ERG: variants seen among roughly 807,000 people sequenced by gnomAD.
ERG encodes ETS transcription factor ERG.
In ERG, 9 loss-of-function variants were observed where a neutral mutation model predicts 55.3. The ratio of observed to expected loss-of-function variants is 0.16; its 90% CI spans 0.10 to 0.28. The LOEUF (loss-of-function observed/expected upper bound fraction) is 0.28, where lower values mean the gene tolerates loss of function less well. ERG is among the 10% of genes least tolerant of loss of function. The pLI is 1.00. For missense variants in ERG, 434 were observed against 631.6 expected, an observed-to-expected ratio of 0.69 and a Z score of 3.35; for synonymous variants, 223 against 237.3, an observed-to-expected ratio of 0.94 and a Z score of 0.55.
At chr21:38,570,379 T>G (rs1380663831) in intron 2 of ERG, among the ~76,000 whole-genome samples, 1 of 152,158 alleles carries the variant, frequency 6.6e-6, no homozygotes, top group Non-Finnish European at 1.5e-5. Context: ...GTATATAACT[T>G]TTTTATGTAT....
chr21:38,573,095 T>C (rs2059969417), intron 2 of ERG, among the ~76,000 whole-genome samples: 1 of 152,220 alleles, frequency 6.6e-6, no homozygotes, highest in Non-Finnish European at 1.5e-5. Context: ...AGGACGTGCC[T>C]TGTTAACATG....
In ERG at chr21:38,519,514, C is replaced by T. The variant is rs565883033; in HGVS notation, c.-41+56148G>A. Among the ~76,000 whole-genome samples the T allele has an allele frequency of 1.3e-3, 191 of 152,302 alleles. 2 individuals are homozygous for T. Among genetic ancestry groups the T allele is most frequent in the Non-Finnish European group, 1.6e-3 (108 of 68,024 alleles). On this transcript the variant is annotated intron_variant, in intron 2 of 8. Transcript: ENST00000398897. ...GCTGGAGAAAAAAACTCCCCAAGCT[C>T]TCTCCTCCTACTCTCAGGCTTCCTT...
chr21:38,585,469 GA>G (rs1208245416), upstream of ERG, among the ~76,000 whole-genome samples: 1 of 123,266 alleles, frequency 8.1e-6, no homozygotes. Flanking sequence ...AAGATAGAAA[GA>G]AAAAAATCTT....
intron 1 of ERG, among the ~76,000 whole-genome samples, chr21:38,490,307 G>A (rs1368824373): frequency 6.6e-6 from 1 of 152,064 alleles, no homozygotes; most frequent in Non-Finnish European, 1.5e-5. Flanking sequence ...TTTAGTCTTA[G>A]AAGAAAAATG....
chr21:38,557,055 C>T (rs2059862875), intron 2 of ERG, among the ~76,000 whole-genome samples: 1 of 152,132 alleles, frequency 6.6e-6, no homozygotes, highest in Admixed American at 6.5e-5. Context: ...CCACCTCCAC[C>T]GTGTTTTGTG....
chr21:38,470,327 A>T (rs1300546612), intron 1 of ERG, among the ~76,000 whole-genome samples: 1 of 152,088 alleles, frequency 6.6e-6, no homozygotes, highest in Non-Finnish European at 1.5e-5. Flanking sequence ...CAAAAAGATG[A>T]CCTAACTCAT....
chr21:38,585,532 C>CTTTTTTTTATTTTTTTTTTTTTTT (rs2060057829), upstream of ERG, among the ~76,000 whole-genome samples: 1 of 59,270 alleles, frequency 1.7e-5, no homozygotes, highest in Non-Finnish European at 3.1e-5. Context: ...TCTCTCTCTT[C>CTTTTTTTTATTTTTTTTTTTTTTT]TTTTTTTTTT....
chr21:38,573,807 C>T (rs2059978245), intron 2 of ERG, among the ~76,000 whole-genome samples: 1 of 152,232 alleles, frequency 6.6e-6, no homozygotes, highest in Non-Finnish European at 1.5e-5. Flanking sequence ...GTCTCTGTGT[C>T]TTATTTCTTT....
chr21:38,660,320 C>A (rs28718905), intron 1 of ERG, among the ~76,000 whole-genome samples: 38,769 of 152,158 alleles, frequency 0.25, 5,436 homozygotes, highest in East Asian at 0.38. Flanking sequence ...CCTCTCCATC[C>A]GCACCCGACT....
chr21:38,485,791 T>C (rs2059279331), intron 1 of ERG, among the ~76,000 whole-genome samples: 1 of 151,738 alleles, frequency 6.6e-6, no homozygotes, highest in South Asian at 2.1e-4. Flanking sequence ...CAGTAGTAGA[T>C]AGTGATGTCC....
intron 1 of ERG, among the ~76,000 whole-genome samples, chr21:38,592,949 C>G (rs2060109957): frequency 6.6e-6 from 1 of 152,264 alleles, no homozygotes; most frequent in South Asian, 2.1e-4. Flanking sequence ...AGTGCGTCTT[C>G]CCATTTTTTA....
chr21:38,643,466 T>C (rs888011647), intron 1 of ERG, among the ~76,000 whole-genome samples: 1 of 152,276 alleles, frequency 6.6e-6, no homozygotes, highest in African/African-American at 2.4e-5. Flanking sequence ...TCTCCCAACC[T>C]TGATGCACAC....
chr21:38,452,408 C>T (rs1196855330), intron 1 of ERG, among the ~76,000 whole-genome samples: 1 of 152,022 alleles, frequency 6.6e-6, no homozygotes, highest in East Asian at 1.9e-4. Context: ...TGCATATATG[C>T]AAATAGATAC....
chr21:38,491,209 A>T, intron 1 of ERG, among the ~76,000 whole-genome samples: 1 of 148,636 alleles, frequency 6.7e-6, no homozygotes, highest in Middle Eastern at 3.4e-3. Context: ...TCAAAATTAA[A>T]AAAAAAAAAA....
rs375080518 is a variant in ERG at position 38,401,613 on chromosome 21, G to A, written c.673+944C>T. Among the ~76,000 whole-genome samples, 39 of 152,286 alleles carry A rather than the reference G, an allele frequency of 2.6e-4. No homozygotes were observed. In the East Asian group the frequency reaches 6.2e-3, roughly 24 times the overall value. On this transcript the variant is annotated intron_variant, in intron 5 of 9. Transcript: ENST00000288319. ...TATTGGGAAAATTGCGTATTTCTAT[G>A]TGAGGGCTGATCGTGAGTTAACTGG...
rs748243137 is a variant in ERG at position 38,445,515 on chromosome 21, C to T, written c.125G>A (p.Gly42Glu). ...EMTASSSSDY[G>E]QTSKMSPRVP... Reference sequence around the variant, plus strand: ...GCGTGGGCTCATCTTGGAAGTCTGTCCATAGTCGCTGGAGGAGGACGCGGT... The same window carrying T: ...GCGTGGGCTCATCTTGGAAGTCTGTTCATAGTCGCTGGAGGAGGACGCGGT... Residue 42 changes from glycine (G) to glutamate (E), a missense_variant, in exon 2 of 10, where the codon GGA (glycine) becomes GAA (glutamate). Physicochemically the swap from Gly to Glu is moderately conservative, Grantham distance 98 (BLOSUM62 -2). Coordinates refer to ENST00000288319, the MANE Select transcript of ERG (RefSeq NM_182918.4). The T allele has an allele frequency of 6.2e-7, 1 of 1,614,138 alleles. No individual in the cohort carries two copies. The highest frequency in any genetic ancestry group is 8.5e-7 in the Non-Finnish European group (1 of 1,180,028).
rs1162982418 is a variant in ERG at position 38,383,423 on chromosome 21, G to A, written c.1420C>T (p.His474Tyr). ...TRLPTSHMPS[H>Y]LGTYY ...GGTCTTTAGTAGTAAGTGCCCAGAT[G>A]AGAAGGCATATGGCTGGTGGGGAGC... Residue 474 changes from histidine to tyrosine, a missense_variant, in exon 10 of 10, where the codon CAT (histidine) becomes TAT (tyrosine). By Grantham distance (83) the His-to-Tyr change is moderately conservative. Coordinates refer to ENST00000288319, the MANE Select transcript of ERG (RefSeq NM_182918.4). This position sits in a 1 kb window ranked among gnomAD's most constrained non-coding sequence, Gnocchi z 5.7. 1 of 1,510,510 alleles carries A rather than the reference G, an allele frequency of 6.6e-7. No homozygotes were observed. Among genetic ancestry groups the A allele is most frequent in the Non-Finnish European group, 8.9e-7 (1 of 1,129,402 alleles). The allele number at this position is 1,510,510 out of a possible 1,614,324, so 93.6% of individuals were successfully genotyped here.
chr21:38,368,168 C>T, the ERG span, among the ~76,000 whole-genome samples: 70 of 152,308 alleles, frequency 4.6e-4, 1 homozygote, highest in Middle Eastern at 0.02. Flanking sequence ...TTAACCCCAT[C>T]CCTCTTCTTC....
At chr21:38,634,903 G>A (rs1261013111) in intron 1 of ERG, among the ~76,000 whole-genome samples, 1 of 152,140 alleles carries the variant, frequency 6.6e-6, no homozygotes. Context: ...AGCAACCAAG[G>A]TTCCTTATAT....
Sources: allele counts gnomAD v4.1 joint callset (sites outside exome capture counted in the v4.1 genomes callset), GRCh38; gene constraint gnomAD v4.1.1; non-coding constraint Gnocchi (gnomAD v3.1); transcripts MANE v1.5; gene names NCBI Gene and HGNC (gene_info 2026-07-23, HGNC 2026-07-21).